The following DRC12 variants were observed in gnomAD, a reference collection of about 807,000 sequenced individuals.
DRC12 encodes dynein regulatory complex protein 12.
At chr11:119,195,823 T>C in the DRC12 span, 6 of 228,596 alleles carry the variant, frequency 2.6e-5, no homozygotes, top group East Asian at 2.5e-4. Context: ...CCTGCCAGCG[T>C]TGGGGCTCCC....
the DRC12 span, chr11:119,194,975 C>G: frequency 6.4e-7 from 1 of 1,551,532 alleles, no homozygotes; most frequent in South Asian, 1.2e-5. Context: ...TGTGCCTGGA[C>G]TCGGCCACCA....
the DRC12 span, chr11:119,193,819 C>T: frequency 1.9e-4 from 288 of 1,551,690 alleles, no homozygotes; most frequent in African/African-American, 3.4e-3. Context: ...AGCCTCCACC[C>T]CTTGCAGCCT....
chr11:119,194,683 G>A, the DRC12 span, among the ~76,000 whole-genome samples: 2 of 151,428 alleles, frequency 1.3e-5, no homozygotes, highest in South Asian at 4.2e-4. Context: ...CTCCAGCCCG[G>A]GCAATAGAGC....
the DRC12 span, chr11:119,195,355 A>G: frequency 1.4e-6 from 2 of 1,384,974 alleles, no homozygotes; most frequent in Non-Finnish European, 2.0e-6. Flanking sequence ...TTCTCTCTGG[A>G]GGAGCTCTGC....
At chr11:119,194,713 C>CA in the DRC12 span, among the ~76,000 whole-genome samples, 191 of 148,966 alleles carry the variant, frequency 1.3e-3, 1 homozygote, top group Middle Eastern at 6.8e-3. Flanking sequence ...TCAAAAAAAC[C>CA]AAAAAAAACA....
the DRC12 span, chr11:119,195,157 C>T: frequency 1.6e-6 from 1 of 641,136 alleles, no homozygotes; most frequent in Non-Finnish European, 2.7e-6. Flanking sequence ...ACCGTGTCCT[C>T]ACCGACCAGC....
the DRC12 span, chr11:119,190,956 T>C: frequency 2.4e-4 from 296 of 1,250,142 alleles, no homozygotes; most frequent in Non-Finnish European, 3.1e-4. The surrounding 1 kb of genome is among the most constrained non-coding windows in gnomAD (Gnocchi z 4.2). Context: ...TCCCCCAGCA[T>C]CACCAAATTT....
chr11:119,194,951 C>T, the DRC12 span: 45 of 1,551,600 alleles, frequency 2.9e-5, no homozygotes, highest in East Asian at 9.5e-4. Flanking sequence ...GCTCCTTCTC[C>T]AGCACCACCA....
At chr11:119,193,308 G>A in the DRC12 span, 1 of 1,369,120 alleles carries the variant, frequency 7.3e-7, no homozygotes, top group Non-Finnish European at 1.0e-6. Flanking sequence ...GAAAGGAAAT[G>A]AAGTTGTGGG....
At chr11:119,191,674 G>A in the DRC12 span, among the ~76,000 whole-genome samples, 1 of 151,788 alleles carries the variant, frequency 6.6e-6, no homozygotes, top group Non-Finnish European at 1.5e-5. Flanking sequence ...CAGGCATGGT[G>A]GCGCACACCT....
At chr11:119,190,698 G>C in the DRC12 span, 1 of 1,611,410 alleles carries the variant, frequency 6.2e-7, no homozygotes. This position sits in a 1 kb window ranked among gnomAD's most constrained non-coding sequence, Gnocchi z 4.2. Context: ...GGATCCAGGG[G>C]GTGGTGCTTA....
At chr11:119,195,603 T>C in the DRC12 span, 1 of 796,072 alleles carries the variant, frequency 1.3e-6, no homozygotes, top group Non-Finnish European at 2.1e-6. Flanking sequence ...TTGTCTCTCA[T>C]ATCCTTCAGA....
the DRC12 span, chr11:119,193,866 G>A: frequency 5.8e-6 from 9 of 1,551,306 alleles, no homozygotes; most frequent in East Asian, 2.0e-4. Flanking sequence ...TGGCTCGACG[G>A]GCTTCATCCC....
chr11:119,190,449 T>C, the DRC12 span: 2 of 1,614,066 alleles, frequency 1.2e-6, no homozygotes, highest in Non-Finnish European at 1.7e-6. This position sits in a 1 kb window ranked among gnomAD's most constrained non-coding sequence, Gnocchi z 4.2. Flanking sequence ...CTGTCCAGAC[T>C]GTCCTGCAGA....
At chr11:119,192,213 C>A in the DRC12 span, among the ~76,000 whole-genome samples, 1 of 152,112 alleles carries the variant, frequency 6.6e-6, no homozygotes, top group South Asian at 2.1e-4. Context: ...TGGCCTCAAG[C>A]AATTCTCTTG....
the DRC12 span, among the ~76,000 whole-genome samples, chr11:119,192,471 G>A: frequency 3.9e-5 from 6 of 152,174 alleles, no homozygotes; most frequent in African/African-American, 1.4e-4. Flanking sequence ...TCTACCAGAT[G>A]CTAGGTCTTG....
the DRC12 span, chr11:119,193,198 C>A: frequency 2.5e-6 from 4 of 1,613,812 alleles, no homozygotes; most frequent in Non-Finnish European, 3.4e-6. Flanking sequence ...CTGCTTGCTG[C>A]GGGTTTGCAT....
At chr11:119,194,534 A>AG in the DRC12 span, among the ~76,000 whole-genome samples, 2 of 135,974 alleles carry the variant, frequency 1.5e-5, no homozygotes, top group East Asian at 2.0e-4. Flanking sequence ...AAAAAAAAAA[A>AG]AAAAAAAAAA....
the DRC12 span, chr11:119,193,472 C>A: frequency 9.0e-7 from 1 of 1,105,546 alleles, no homozygotes; most frequent in East Asian, 2.6e-5. Flanking sequence ...GGGATGCTAG[C>A]CCTTCTCCCC....
Sources: allele counts gnomAD v4.1 joint callset (sites outside exome capture counted in the v4.1 genomes callset), GRCh38; gene constraint gnomAD v4.1.1; non-coding constraint Gnocchi (gnomAD v3.1); transcripts MANE v1.5; gene names NCBI Gene and HGNC (gene_info 2026-07-23, HGNC 2026-07-21).